ATP8A2: variants seen among roughly 807,000 people sequenced by gnomAD.
The protein encoded by ATP8A2 is ATPase phospholipid transporting 8A2, also known as phospholipid-transporting ATPase IB.
Under a neutral mutation model 165.6 loss-of-function variants are expected in ATP8A2, and 100 were observed. That is an observed-to-expected ratio of 0.60 (90% CI 0.51 to 0.71). The LOEUF (loss-of-function observed/expected upper bound fraction) is 0.71, where lower values mean the gene tolerates loss of function less well. Ranked by LOEUF, ATP8A2 falls within the 30% of genes least tolerant of loss-of-function variation. The pLI, the probability that ATP8A2 is intolerant of heterozygous loss-of-function variation, is 0.00. For synonymous variants in ATP8A2, 543 were observed against 548.8 expected (o/e 0.99, Z 0.15); for missense variants, 1,227 against 1,479.5 (o/e 0.83, Z 2.80).
At chr13:25,536,019 C>G (rs948665967) in intron 6 of ATP8A2, among the ~76,000 whole-genome samples, 2 of 151,896 alleles carry the variant, frequency 1.3e-5, no homozygotes, top group African/African-American at 4.8e-5. Flanking sequence ...CATTTGAAAA[C>G]ATGACAAATT....
At chr13:25,811,979 A>G (rs1950884613) in intron 27 of ATP8A2, among the ~76,000 whole-genome samples, 1 of 152,146 alleles carries the variant, frequency 6.6e-6, no homozygotes. Context: ...TCCTGTTTCA[A>G]CAGGTGAGGA....
chr13:25,395,599 A>G (rs917799810), intron 1 of ATP8A2, among the ~76,000 whole-genome samples: 1 of 152,144 alleles, frequency 6.6e-6, no homozygotes, highest in Admixed American at 6.5e-5. Flanking sequence ...GAAAAGGTGC[A>G]ATCATAGCTC....
At chr13:25,534,530 G>A (rs1365518136) in intron 6 of ATP8A2, among the ~76,000 whole-genome samples, 4 of 152,150 alleles carry the variant, frequency 2.6e-5, no homozygotes, top group African/African-American at 9.7e-5. Flanking sequence ...ATGGAGTGAT[G>A]GTCTCTAATT....
intron 16 of ATP8A2, among the ~76,000 whole-genome samples, chr13:25,565,432 A>G (rs1593544714): frequency 6.6e-6 from 1 of 152,188 alleles, no homozygotes; most frequent in Admixed American, 6.5e-5. Context: ...TTGCAGGAGT[A>G]AGGTGGTATT....
At chr13:25,801,375 G>A (rs1454112831) in intron 27 of ATP8A2, among the ~76,000 whole-genome samples, 1 of 152,148 alleles carries the variant, frequency 6.6e-6, no homozygotes, top group Non-Finnish European at 1.5e-5. Context: ...AATCTCTAGG[G>A]CTTCAGTATT....
chr13:25,921,783 T>C (rs1250866479), intron 33 of ATP8A2, among the ~76,000 whole-genome samples: 1 of 152,232 alleles, frequency 6.6e-6, no homozygotes, highest in African/African-American at 2.4e-5. Flanking sequence ...CCGTATAATA[T>C]TTATGGTTTG....
At chr13:25,657,343 C>T (rs1276078731) in intron 24 of ATP8A2, among the ~76,000 whole-genome samples, 1 of 152,124 alleles carries the variant, frequency 6.6e-6, no homozygotes, top group Non-Finnish European at 1.5e-5. Context: ...TCCCTCCTGT[C>T]TCAGATACTG....
At chr13:25,577,275 T>G (rs1172522641) in intron 20 of ATP8A2, 137 bp downstream of exon 20, 1 of 767,534 alleles carries the variant, frequency 1.3e-6, no homozygotes, top group Admixed American at 2.3e-5. Flanking sequence ...GGCTGTGAAG[T>G]TGACTTAGTA....
At chr13:25,382,635 G>A (rs1358522940) in intron 1 of ATP8A2, among the ~76,000 whole-genome samples, 1 of 152,180 alleles carries the variant, frequency 6.6e-6, no homozygotes, top group African/African-American at 2.4e-5. Context: ...TTTGATAGAT[G>A]TGTAGTGGTG....
intron 1 of ATP8A2, among the ~76,000 whole-genome samples, chr13:25,456,692 C>T (rs894903001): frequency 2.0e-5 from 3 of 152,184 alleles, no homozygotes; most frequent in Admixed American, 2.0e-4. Context: ...TAGTTATTTC[C>T]ACATTGGTCT....
At chr13:25,816,844 G>A (rs760280074) in intron 27 of ATP8A2, among the ~76,000 whole-genome samples, 1 of 152,148 alleles carries the variant, frequency 6.6e-6, no homozygotes, top group Non-Finnish European at 1.5e-5. Context: ...GGCTCACTGT[G>A]GCTGATGGGA....
chr13:25,425,824 C>A (rs1411688532), intron 1 of ATP8A2, among the ~76,000 whole-genome samples: 1 of 152,204 alleles, frequency 6.6e-6, no homozygotes. Context: ...GATCCGCCCG[C>A]CTCCGCCTCC....
intron 24 of ATP8A2, among the ~76,000 whole-genome samples, chr13:25,617,392 C>T (rs1392268492): frequency 6.6e-6 from 1 of 152,142 alleles, no homozygotes. Flanking sequence ...ATTTTTATAA[C>T]TCAATTGATT....
chr13:25,689,196 T>C (rs994711647), intron 24 of ATP8A2, among the ~76,000 whole-genome samples: 2 of 152,250 alleles, frequency 1.3e-5, no homozygotes, highest in Non-Finnish European at 2.9e-5. Flanking sequence ...AGGTTTGCTT[T>C]AAAAGTTTTA....
chr13:25,476,078 C>A (rs911624744), intron 2 of ATP8A2, among the ~76,000 whole-genome samples: 18 of 152,040 alleles, frequency 1.2e-4, no homozygotes, highest in African/African-American at 3.4e-4. Context: ...GTAAAAAGAA[C>A]AAAATAATCT....
Position 25,377,191 on chromosome 13 carries a change from A to C in ATP8A2, c.76+4903A>C, listed in dbSNP as rs570241567. Among the ~76,000 whole-genome samples the C allele has an allele frequency of 3.0e-3, 451 of 152,348 alleles. 4 individuals are homozygous for C. Among genetic ancestry groups the C allele is most frequent in the Non-Finnish European group, 3.5e-3 (240 of 68,034 alleles). On this transcript the variant is annotated intron_variant, in intron 1 of 36. Coordinates refer to ENST00000381655, the MANE Select transcript of ATP8A2 (RefSeq NM_016529.6). ...ACAGTGCCTCTAAAGAAGGGTCTCT[A>C]TTCTTCCTCCTTGGATCTTTACATT...
chr13:25,665,907 T>C (rs183656707), intron 24 of ATP8A2, among the ~76,000 whole-genome samples: 156 of 149,042 alleles, frequency 1.0e-3, no homozygotes, highest in Non-Finnish European at 1.9e-3. Flanking sequence ...GTTCATAATA[T>C]ATTTTATAAA....
chr13:26,020,237 G>A lies in ATP8A2; in HGVS notation c.*252G>A. 1 of 529,364 alleles carries A rather than the reference G, an allele frequency of 1.9e-6. No individual in the cohort carries two copies. The highest frequency in any genetic ancestry group is 3.4e-6 in the Non-Finnish European group (1 of 295,676). The allele number at this position is 529,364 out of a possible 1,614,324, so 32.8% of individuals were successfully genotyped here. On this transcript the variant is annotated 3_prime_UTR_variant, in exon 37 of 37. Coordinates refer to ENST00000381655, the MANE Select transcript of ATP8A2 (RefSeq NM_016529.6). Reference sequence around the variant, plus strand: ...TAACTTTTGTTTATGTCGTTATGAAGCATTCAACTGTGCTCTGTGAGGTGT... The same window carrying A: ...TAACTTTTGTTTATGTCGTTATGAAACATTCAACTGTGCTCTGTGAGGTGT...
At chr13:25,900,451 G>A (rs9319252) in intron 33 of ATP8A2, among the ~76,000 whole-genome samples, 150,602 of 152,228 alleles carry the variant, frequency 0.99, 74,516 homozygotes, top group Middle Eastern at 1. Flanking sequence ...GAGACAGGTG[G>A]GCTGTCACGT....
Sources: gnomAD v4.1 joint callset for allele counts (sites outside exome capture counted in the v4.1 genomes callset) on GRCh38, gnomAD v4.1.1 for gene constraint, MANE v1.5 for transcripts, NCBI Gene and HGNC (gene_info 2026-07-23, HGNC 2026-07-21) for gene names.